GTPBP2: variants seen among roughly 807,000 people sequenced by gnomAD.
The protein encoded by GTPBP2 is GTP binding protein 2, also known as GTP-binding protein 2.
GTPBP2 carries 32 observed loss-of-function variants against 63.0 expected under a neutral mutation model. The ratio of observed to expected loss-of-function variants is 0.51; its 90% CI spans 0.38 to 0.68. The LOEUF is 0.68. GTPBP2 is among the 30% of genes least tolerant of loss of function. The pLI is 0.00. For synonymous variants in GTPBP2, 310 were observed against 322.6 expected (o/e 0.96, Z 0.42); for missense variants, 492 against 796.9 (o/e 0.62, Z 4.61).
chr6:43,625,211 C>T lies in GTPBP2; in HGVS notation c.706-149G>A. ...ATTTAGTTGATTCCCCATTGATTTC[C>T]TAAGAGGGGCAGAGCTTGTTCACAG... On this transcript the variant is annotated intron_variant, in intron 5 of 11. Transcript: ENST00000307126. This position sits in a 1 kb window ranked among gnomAD's most constrained non-coding sequence, Gnocchi z 5.1. 1 of 1,019,370 alleles carries T rather than the reference C, an allele frequency of 9.8e-7. No individual in the cohort carries two copies. Among genetic ancestry groups the T allele is most frequent in the Non-Finnish European group, 1.5e-6 (1 of 676,064 alleles). 63.1% of individuals were successfully genotyped at this position (1,019,370 alleles called of 1,614,324 possible). A position where few individuals can be genotyped will look rare whatever the true frequency, so the allele number is the denominator to read the frequency against.
chr6:43,623,006 T>C (rs1768915327), intron 9 of GTPBP2: 1 of 567,344 alleles, frequency 1.8e-6, no homozygotes, highest in Non-Finnish European at 3.1e-6. Flanking sequence ...CCAGCAGTGA[T>C]GGTGGACAGA....
chr6:43,622,847 C>A lies in GTPBP2; in HGVS notation c.1296-43G>T. On this transcript the variant is annotated intron_variant, in intron 9 of 11. Coordinates refer to ENST00000307126, the MANE Select transcript of GTPBP2 (RefSeq NM_019096.5). This position sits in a 1 kb window ranked among gnomAD's most constrained non-coding sequence, Gnocchi z 5.4. ...GGTGGCACAGTGTCAGCCAAGGTCC[C>A]CATACCTACTTCTCTATTAGGATCA... is the stretch of plus-strand genomic sequence containing the variant. 1 of 1,471,378 alleles carries A rather than the reference C, an allele frequency of 6.8e-7. No individual in the cohort carries two copies. The highest frequency in any genetic ancestry group is 9.4e-7 in the Non-Finnish European group (1 of 1,066,470). The allele number at this position is 1,471,378 out of a possible 1,614,324, so 91.1% of individuals were successfully genotyped here. A position where few individuals can be genotyped will look rare whatever the true frequency, so the allele number is the denominator to read the frequency against.
intron 1 of GTPBP2, chr6:43,627,327 C>G (rs937158412): frequency 9.7e-6 from 10 of 1,032,024 alleles, no homozygotes; most frequent in Non-Finnish European, 1.2e-5. Context: ...GCTGTTAAAA[C>G]CTTTCTTTGT....
rs1178522857 is a variant in GTPBP2 at position 43,629,099 on chromosome 6, C to T, written c.64G>A (p.Gly22Ser). 6.4e-7 allele frequency: 1 copy of T among 1,569,988 alleles called. No individual in the cohort carries two copies. Among genetic ancestry groups the T allele is most frequent in the East Asian group, 2.3e-5 (1 of 42,574 alleles). ...GCCCCCCTAGCCTTGAGGGTTCCGC[C>T]CACGGCCGGGCCCCCTCCGGGCCGG... ...CCRPGGGPAV[G>S]GTLKARGAGS... The change falls in exon 1 of 12, where the codon GGC becomes AGC. Residue 22 changes from glycine (G) to serine (S), a missense_variant. Around this residue, in one of 2 missense-constraint regions of GTPBP2, gnomAD observed 92 missense variants for 86.1 expected, o/e 1.07. Transcript: ENST00000307126.
chr6:43,627,199 A>T, intron 1 of GTPBP2: 1 of 852,342 alleles, frequency 1.2e-6, no homozygotes, highest in Non-Finnish European at 1.6e-6. Flanking sequence ...ACACTGAATC[A>T]ATCCATTCTT....
Position 43,623,682 on chromosome 6 carries a change from C to CT in GTPBP2, c.1295+54dup, listed in dbSNP as rs1488113270. ...GGTCTCCTCCTTTGGGCCAGGATGT[C>CT]TTTGAGTATATAGGTGAGGGCTGAG... On this transcript the variant is annotated intron_variant, in intron 9 of 11. Transcript: ENST00000307126. The CT allele has an allele frequency of 9.8e-6, 13 of 1,319,804 alleles. No individual in the cohort carries two copies. The Admixed American group carries it at 2.0e-4, about 20-fold the overall frequency. 81.8% of individuals were successfully genotyped at this position (1,319,804 alleles called of 1,614,324 possible).
At position 43,624,750 on chromosome 6, in the gene GTPBP2, G is replaced by A. The variant is rs750228395; in HGVS notation, c.881-21C>T. 1 of 1,608,338 alleles carries A rather than the reference G, an allele frequency of 6.2e-7. No homozygotes were observed. The highest frequency in any genetic ancestry group is 1.7e-5 in the Admixed American group (1 of 60,012). ...GCCAGCTGCCTCATAAGGACAGCAAGCAGCAGGAGAGAAGAGTGAGAATGC... is the reference window on the plus strand; with the variant it reads ...GCCAGCTGCCTCATAAGGACAGCAAACAGCAGGAGAGAAGAGTGAGAATGC... On this transcript the variant is annotated intron_variant, in intron 6 of 11. Coordinates refer to ENST00000307126, the MANE Select transcript of GTPBP2 (RefSeq NM_019096.5). The surrounding 1 kb of genome is among the most constrained non-coding windows in gnomAD (Gnocchi z 5.1).
chr6:43,622,839 C>A lies in GTPBP2; in HGVS notation c.1296-35G>T. 6.5e-7 allele frequency: 1 copy of A among 1,541,030 alleles called. No individual in the cohort carries two copies. Among genetic ancestry groups the A allele is most frequent in the Non-Finnish European group, 8.9e-7 (1 of 1,125,030 alleles). ...AGAGGGCAGGTGGCACAGTGTCAGC[C>A]AAGGTCCCCATACCTACTTCTCTAT... On this transcript the variant is annotated intron_variant, in intron 9 of 11. Transcript: ENST00000307126. This position sits in a 1 kb window ranked among gnomAD's most constrained non-coding sequence, Gnocchi z 5.4.
Position 43,629,103 on chromosome 6 carries a change from G to T in GTPBP2, c.60C>A (p.Ala20=), listed in dbSNP as rs773905180. 8 of 1,544,570 alleles carry T rather than the reference G, an allele frequency of 5.2e-6. No individual in the cohort carries two copies. The highest frequency in any genetic ancestry group is 4.7e-5 in the South Asian group (4 of 84,548). Residue 20 remains alanine (A), a synonymous_variant, in exon 1 of 12, where the codon GCC becomes GCA. Coordinates refer to ENST00000307126, the MANE Select transcript of GTPBP2 (RefSeq NM_019096.5). ...GGCCRPGGGP[A]VGGTLKARGA... The stretch of plus-strand genomic sequence containing the variant: ...CCCTAGCCTTGAGGGTTCCGCCCAC[G>T]GCCGGGCCCCCTCCGGGCCGGCAGC...
rs1175051782 is a variant in GTPBP2, at chr6:43,621,266, C to T, written c.*348G>A. 2.0e-6 allele frequency: 1 copy of T among 499,532 alleles called. No individual in the cohort carries two copies. Among genetic ancestry groups the T allele is most frequent in the Non-Finnish European group, 3.7e-6 (1 of 272,632 alleles). 30.9% of individuals were successfully genotyped at this position (499,532 alleles called of 1,614,324 possible). A position where few individuals can be genotyped will look rare whatever the true frequency, so the allele number is the denominator to read the frequency against. ...GTGACCATTCCTGAAGTGCAGAGAC[C>T]ACACCAGCAAAACATGCCCAGTCTT... is the stretch of plus-strand genomic sequence containing the variant. On this transcript the variant is annotated 3_prime_UTR_variant, in exon 12 of 12. Coordinates refer to ENST00000307126, the MANE Select transcript of GTPBP2 (RefSeq NM_019096.5).
chr6:43,627,308 T>C (rs921981255), intron 1 of GTPBP2: 83 of 1,064,944 alleles, frequency 7.8e-5, no homozygotes, highest in Non-Finnish European at 9.0e-5. Context: ...ATGTCTCCTC[T>C]GTGCCCAGGC....
chr6:43,625,939 C>A lies in GTPBP2; in HGVS notation c.399-75G>T. On this transcript the variant is annotated intron_variant, in intron 3 of 11. Coordinates refer to ENST00000307126, the MANE Select transcript of GTPBP2 (RefSeq NM_019096.5). The surrounding 1 kb of genome is among the most constrained non-coding windows in gnomAD (Gnocchi z 5.1). Reference sequence around the variant, plus strand: ...TCCAGGCTCGCTCTGGACCTACAGACTTCCTGCACCTCCCACAGAGCTCCC... The same window carrying A: ...TCCAGGCTCGCTCTGGACCTACAGAATTCCTGCACCTCCCACAGAGCTCCC... The A allele has an allele frequency of 1.8e-6, 2 of 1,121,634 alleles. No individual in the cohort carries two copies. Among genetic ancestry groups the A allele is most frequent in the Non-Finnish European group, 2.7e-6 (2 of 735,208 alleles). 69.5% of individuals were successfully genotyped at this position (1,121,634 alleles called of 1,614,324 possible).
At chr6:43,623,106 T>A (rs1470279252) in intron 9 of GTPBP2, 3 of 351,718 alleles carry the variant, frequency 8.5e-6, no homozygotes, top group Non-Finnish European at 1.6e-5. Flanking sequence ...TTGCAGAGTC[T>A]TAGGCCAGCC....
intron 1 of GTPBP2, chr6:43,627,202 C>A (rs1030573345): frequency 1.2e-6 from 1 of 866,424 alleles, no homozygotes; most frequent in Non-Finnish European, 1.5e-6. Flanking sequence ...CTGAATCAAT[C>A]CATTCTTTGA....
In GTPBP2 at chr6:43,624,982, T is replaced by C; in HGVS notation, c.786A>G (p.Ala262=). 2 of 1,613,962 alleles carry C rather than the reference T, an allele frequency of 1.2e-6. No homozygotes were observed. The highest frequency in any genetic ancestry group is 2.2e-5 in the South Asian group (2 of 91,076). ...TGGTGTGTAGGTACTTATGGTGGCCTGCCAGGTCGATGAAGGTGATCATCT... is the reference window on the plus strand; with the variant it reads ...TGGTGTGTAGGTACTTATGGTGGCCCGCCAGGTCGATGAAGGTGATCATCT... ...SSKMITFIDL[A]GHHKYLHTTI... The change falls in exon 6 of 12, where the codon GCA becomes GCG. Residue 262 remains alanine, a synonymous_variant. Transcript: ENST00000307126. This position sits in a 1 kb window ranked among gnomAD's most constrained non-coding sequence, Gnocchi z 5.1.
At chr6:43,628,765 T>A (rs1290035882) in intron 1 of GTPBP2, 2 of 787,724 alleles carry the variant, frequency 2.5e-6, no homozygotes, top group East Asian at 2.5e-5. Context: ...CCCTCTCCAC[T>A]CTTCCTCCCT....
chr6:43,628,755 C>A (rs764252443), intron 1 of GTPBP2: 7 of 779,984 alleles, frequency 9.0e-6, no homozygotes, highest in African/African-American at 1.7e-5. Flanking sequence ...GGGGAGTCCT[C>A]CCTCTCCACT....
rs1768664382 is a variant in GTPBP2 at position 43,620,783 on chromosome 6, G to A, written c.*831C>T. ...GAAAGTGGGGTGAGAGTGGTAGGAT[G>A]GGGAACTCAGATGCCACCAGTCTGG... On this transcript the variant is annotated 3_prime_UTR_variant, in exon 12 of 12. Coordinates refer to ENST00000307126, the MANE Select transcript of GTPBP2 (RefSeq NM_019096.5). 6.5e-6 allele frequency: 1 copy of A among 153,114 alleles called. No homozygotes were observed. Among genetic ancestry groups the A allele is most frequent in the Admixed American group, 6.5e-5 (1 of 15,306 alleles). The allele number at this position is 153,114 out of a possible 1,614,324, so 9.5% of individuals were successfully genotyped here. A position where few individuals can be genotyped will look rare whatever the true frequency, so the allele number is the denominator to read the frequency against.
At chr6:43,627,327 CCTTT>C in intron 1 of GTPBP2, 1 of 1,032,142 alleles carries the variant, frequency 9.7e-7, no homozygotes, top group Non-Finnish European at 1.2e-6. Flanking sequence ...GCTGTTAAAA[CCTTT>C]CTTTGTCACT....
Sources: allele counts gnomAD v4.1 joint callset, GRCh38; gene constraint gnomAD v4.1.1; regional missense constraint gnomAD v4.1.1; non-coding constraint Gnocchi (gnomAD v3.1); transcripts MANE v1.5; gene names NCBI Gene and HGNC (gene_info 2026-07-23, HGNC 2026-07-21).